PARD6G: variants seen among roughly 807,000 people sequenced by gnomAD.
The protein encoded by PARD6G is par-6 family cell polarity regulator gamma, also known as partitioning defective 6 homolog gamma.
Under a neutral mutation model 10.7 loss-of-function variants are expected in PARD6G, and 7 were observed. The ratio of observed to expected loss-of-function variants is 0.66; its 90% CI spans 0.37 to 1.23. The LOEUF is 1.23. PARD6G is among the 50% of genes most tolerant of loss of function. The pLI, the probability that PARD6G is intolerant of heterozygous loss-of-function variation, is 0.02. For synonymous variants in PARD6G, 287 were observed against 269.4 expected (o/e 1.07, Z -0.64); for missense variants, 548 against 571.8 (o/e 0.96, Z 0.42).
intron 1 of PARD6G, among the ~76,000 whole-genome samples, chr18:80,204,986 A>G (rs1967042267): frequency 6.6e-6 from 1 of 152,108 alleles, no homozygotes; most frequent in Non-Finnish European, 1.5e-5. Context: ...AGTTTGGGAA[A>G]AGCCACTTTC....
At chr18:80,160,780 C>T (rs1483614060) in intron 2 of PARD6G, among the ~76,000 whole-genome samples, 174 bp from the exon 3 acceptor site, 3 of 152,206 alleles carry the variant, frequency 2.0e-5, no homozygotes, top group Non-Finnish European at 2.9e-5. Flanking sequence ...AGTGCAGCCC[C>T]TAAAATTAAC....
At chr18:80,204,435 A>C (rs1185452026) in intron 1 of PARD6G, among the ~76,000 whole-genome samples, 1 of 152,078 alleles carries the variant, frequency 6.6e-6, no homozygotes, top group Non-Finnish European at 1.5e-5. Flanking sequence ...CACACAGAGA[A>C]CCACTGGTTT....
At chr18:80,226,284 C>T (rs535496975) in intron 1 of PARD6G, among the ~76,000 whole-genome samples, 3 of 150,892 alleles carry the variant, frequency 2.0e-5, no homozygotes, top group African/African-American at 7.3e-5. Flanking sequence ...GATTCTCCTG[C>T]CTCAGCCTCC....
intron 1 of PARD6G, among the ~76,000 whole-genome samples, chr18:80,215,985 A>G (rs1040842834): frequency 6.6e-5 from 10 of 152,146 alleles, no homozygotes; most frequent in African/African-American, 2.2e-4. Flanking sequence ...TGGCTATATA[A>G]ACAGCAGACA....
Position 80,183,923 on chromosome 18 carries a change from C to T in PARD6G, c.295+18787G>A, listed in dbSNP as rs1490148454. The T allele has an allele frequency of 6.6e-6, 1 of 152,364 alleles. No homozygotes were observed. Among genetic ancestry groups the T allele is most frequent in the East Asian group, 1.9e-4 (1 of 5,186 alleles). The allele number at this position is 152,364 out of a possible 1,614,324, so 9.4% of individuals were successfully genotyped here. On this transcript the variant is annotated intron_variant, in intron 2 of 2. Transcript: ENST00000353265. The surrounding 1 kb of genome is among the most constrained non-coding windows in gnomAD (Gnocchi z 4.5). ...CAGACACAACCCCGAATGCCAATTC[C>T]AGTGTCCTGTGCAGTGATGACCACA...
chr18:80,233,006 A>C (rs1967377756), intron 1 of PARD6G, among the ~76,000 whole-genome samples: 1 of 152,078 alleles, frequency 6.6e-6, no homozygotes, highest in African/African-American at 2.4e-5. Context: ...TCTCCTGAGG[A>C]GTGGAGTGGG....
chr18:80,245,440 G>A (rs1323854593), intron 1 of PARD6G, among the ~76,000 whole-genome samples: 4 of 152,138 alleles, frequency 2.6e-5, no homozygotes, highest in Non-Finnish European at 4.4e-5. Context: ...CACCTTGATT[G>A]TGTTGGTGGT....
rs899573949 is a variant in PARD6G at position 80,192,571 on chromosome 18, C to G, written c.295+10139G>C. ...GGGAGAGCAGGTGCCACGGCGGGAGCCTGAAGCTCCACAATTGCCAAGGCA... is the reference window on the plus strand; with the variant it reads ...GGGAGAGCAGGTGCCACGGCGGGAGGCTGAAGCTCCACAATTGCCAAGGCA... On this transcript the variant is annotated intron_variant, in intron 2 of 2. Transcript: ENST00000353265. The surrounding 1 kb of genome is among the most constrained non-coding windows in gnomAD (Gnocchi z 4.9). 1.3e-5 allele frequency among the ~76,000 whole-genome samples: 2 copies of G among 152,076 alleles called. No individual in the cohort carries two copies. Among genetic ancestry groups the G allele is most frequent in the Non-Finnish European group, 2.9e-5 (2 of 68,002 alleles).
At position 80,226,151 on chromosome 18, in the gene PARD6G, G is replaced by GTTTTTTT. The variant is rs10606939; in HGVS notation, c.72+21119_72+21125dup. Among the ~76,000 whole-genome samples the GTTTTTTT allele has an allele frequency of 3.9e-5, 3 of 76,570 alleles. 1 individual carries two copies. The highest frequency in any genetic ancestry group is 1.6e-4 in the African/African-American group (3 of 18,504). The allele number at this position is 76,570 out of a possible 152,430, so 50.2% of individuals were successfully genotyped here. A position where few individuals can be genotyped will look rare whatever the true frequency, so the allele number is the denominator to read the frequency against. On this transcript the variant is annotated intron_variant, in intron 1 of 2. Transcript: ENST00000353265. ...TCCCCACAGGTAACCAATGACTTCA[G>GTTTTTTT]TTTTTTTTTTTTTTTTTTTTTTTTT...
intron 1 of PARD6G, among the ~76,000 whole-genome samples, chr18:80,203,320 G>C (rs1010276941): frequency 6.6e-6 from 1 of 152,172 alleles, no homozygotes; most frequent in Non-Finnish European, 1.5e-5. Flanking sequence ...TGGGGAGATA[G>C]TGACAAACAG....
intron 2 of PARD6G, among the ~76,000 whole-genome samples, chr18:80,179,921 G>A (rs556147986): frequency 6.6e-6 from 1 of 152,348 alleles, no homozygotes; most frequent in Admixed American, 6.5e-5. Flanking sequence ...CCACATGAAG[G>A]TGCCATGAGC....
At position 80,234,775 on chromosome 18, in the gene PARD6G, T is replaced by C. The variant is rs558184111; in HGVS notation, c.72+12502A>G. 9.5e-4 allele frequency among the ~76,000 whole-genome samples: 144 copies of C among 152,114 alleles called. 1 individual carries two copies. Among genetic ancestry groups the C allele is most frequent in the South Asian group, 5.4e-3 (26 of 4,816 alleles). ...AATGACAAAGAAGGCCATTACATAA[T>C]GGTAAAGGGATCAATTCAACAAGAA... On this transcript the variant is annotated intron_variant, in intron 1 of 2. Coordinates refer to ENST00000353265, the MANE Select transcript of PARD6G (RefSeq NM_032510.4).
chr18:80,160,288 T>C lies in PARD6G; in HGVS notation c.614A>G (p.Glu205Gly), dbSNP rs759170465. Residue 205 changes from glutamate (E) to glycine (G), a missense_variant, in exon 3 of 3, where the codon GAG (glutamate) becomes GGG (glycine). Glu to Gly is a moderately conservative substitution (Grantham distance 98). Around this residue, in one of 2 missense-constraint regions of PARD6G, gnomAD observed 313 missense variants for 279.9 expected, o/e 1.12. Coordinates refer to ENST00000353265, the MANE Select transcript of PARD6G (RefSeq NM_032510.4). ...ATTCACAGCCAGCAGCCCGGTGCTC[T>C]CCGCCAGGCCCCCGGGTACCATGCG... ...ISRMVPGGLAESTGLLAVNDE... is the reference protein window; with the variant it reads ...ISRMVPGGLAGSTGLLAVNDE... 6.2e-7 allele frequency: 1 copy of C among 1,612,448 alleles called. No individual in the cohort carries two copies. The highest frequency in any genetic ancestry group is 8.5e-7 in the Non-Finnish European group (1 of 1,179,836).
In PARD6G at chr18:80,157,882, T is replaced by C. The variant is rs1348162741; in HGVS notation, c.*1889A>G. 6.6e-6 allele frequency: 1 copy of C among 152,326 alleles called. No individual in the cohort carries two copies. The allele number at this position is 152,326 out of a possible 1,614,324, so 9.4% of individuals were successfully genotyped here. A position where few individuals can be genotyped will look rare whatever the true frequency, so the allele number is the denominator to read the frequency against. On this transcript the variant is annotated 3_prime_UTR_variant, in exon 3 of 3. Coordinates refer to ENST00000353265, the MANE Select transcript of PARD6G (RefSeq NM_032510.4). ...AATGCTGAGATGCAGTTTTCCCTCT[T>C]AGCAGTTCCATGTTCACGAAGTCAG...
At position 80,242,421 on chromosome 18, in the gene PARD6G, A is replaced by G. The variant is rs551321136; in HGVS notation, c.72+4856T>C. Among the ~76,000 whole-genome samples the G allele has an allele frequency of 2.0e-5, 3 of 152,330 alleles. No individual in the cohort carries two copies. In the East Asian group the frequency reaches 5.8e-4, roughly 29 times the overall value. On this transcript the variant is annotated intron_variant, in intron 1 of 2. Transcript: ENST00000353265. The stretch of plus-strand genomic sequence containing the variant: ...TCGCACATCACACAGCTGGAAGGGC[A>G]TGTTCCTGCAGCACCATGGCAGCCA...
rs1966990479 is a variant in PARD6G at position 80,199,596 on chromosome 18, T to C, written c.295+3114A>G. Among the ~76,000 whole-genome samples, 4 of 152,356 alleles carry C rather than the reference T, an allele frequency of 2.6e-5. No homozygotes were observed. In the South Asian group the frequency reaches 8.3e-4, roughly 32 times the overall value. On this transcript the variant is annotated intron_variant, in intron 2 of 2. Coordinates refer to ENST00000353265, the MANE Select transcript of PARD6G (RefSeq NM_032510.4). ...GGAATGCTGTTCTGTAGTTTATCAC[T>C]GTGTCTTTGTATGGTTTGGAGGAAG...
In PARD6G at chr18:80,206,452, C is replaced by G. The variant is rs1010671839; in HGVS notation, c.73-3520G>C. Among the ~76,000 whole-genome samples, 3 of 152,244 alleles carry G rather than the reference C, an allele frequency of 2.0e-5. No individual in the cohort carries two copies. The East Asian group carries it at 5.8e-4, about 29-fold the overall frequency. Reference sequence around the variant, plus strand: ...GGTAAAGTCCTTCCAGTATACTTACCAGAAACTGAAACAGTGAATGGCTCT... The same window carrying G: ...GGTAAAGTCCTTCCAGTATACTTACGAGAAACTGAAACAGTGAATGGCTCT... On this transcript the variant is annotated intron_variant, in intron 1 of 2. Coordinates refer to ENST00000353265, the MANE Select transcript of PARD6G (RefSeq NM_032510.4).
intron 2 of PARD6G, among the ~76,000 whole-genome samples, chr18:80,202,185 C>T (rs111480346): frequency 5.3e-5 from 8 of 152,330 alleles, no homozygotes; most frequent in South Asian, 2.1e-4. Context: ...AGTCCAGAGA[C>T]GTGAGCAGTA....
rs750146147 is a variant in PARD6G, at chr18:80,202,898, C to T, written c.107G>A (p.Arg36His). ...ATCTTCAAACTTCCCAGGCTTATGA[C>T]GGTCCAGAGAGAACCTTCGGAATTC... ...GAEFRRFSLDRHKPGKFEDFY... is the reference protein window; with the variant it reads ...GAEFRRFSLDHHKPGKFEDFY... The change falls in exon 2 of 3, where the codon CGT becomes CAT. Residue 36 changes from arginine (R) to histidine (H), a missense_variant. Arg to His is a conservative substitution (Grantham distance 29). Coordinates refer to ENST00000353265, the MANE Select transcript of PARD6G (RefSeq NM_032510.4). 8.8e-6 allele frequency: 14 copies of T among 1,595,720 alleles called. No individual in the cohort carries two copies. The highest frequency in any genetic ancestry group is 1.5e-5 in the African/African-American group (1 of 68,626).
Sources: allele counts gnomAD v4.1 joint callset (sites outside exome capture counted in the v4.1 genomes callset), GRCh38; gene constraint gnomAD v4.1.1; regional missense constraint gnomAD v4.1.1; non-coding constraint Gnocchi (gnomAD v3.1); transcripts MANE v1.5; gene names NCBI Gene and HGNC (gene_info 2026-07-23, HGNC 2026-07-21).